Variants in DGKK observed in about 807,000 individuals in gnomAD.
The protein encoded by DGKK is diacylglycerol kinase kappa.
In DGKK, 35 loss-of-function variants were observed where a neutral mutation model predicts 92.2. The observed-to-expected ratio is 0.38, with a 90% confidence interval of 0.29 to 0.50. DGKK has a LOEUF of 0.50. DGKK is among the 20% of genes least tolerant of loss of function. The pLI is 0.92. For missense variants in DGKK, 910 were observed against 992.2 expected, an observed-to-expected ratio of 0.92 and a Z score of 1.11; for synonymous variants, 368 against 360.6, an observed-to-expected ratio of 1.02 and a Z score of -0.23.
In DGKK at chrX:50,379,990, C is replaced by T; in HGVS notation, c.2745G>A (p.Val915=). The T allele has an allele frequency of 2.5e-6, 3 of 1,211,217 alleles. No individual in the cohort carries two copies. The highest frequency in any genetic ancestry group is 3.4e-6 in the Non-Finnish European group (3 of 894,902). Reference sequence around the variant, plus strand: ...CCGCTTTTCCACTAACCTCCAAATGCACTCGTTCTTCCAGTTTCCTGTAAG... The same window carrying T: ...CCGCTTTTCCACTAACCTCCAAATGTACTCGTTCTTCCAGTTTCCTGTAAG... ...QRSYRKLEER[V]HLECDGETIS... The change falls in exon 19 of 28, where the codon GTG becomes GTA. Residue 915 remains valine (V), a synonymous_variant. Coordinates refer to ENST00000611977, the MANE Select transcript of DGKK (RefSeq NM_001013742.4).
rs146409447 is a variant in DGKK, at chrX:50,368,864, G to A, written c.*76C>T. On this transcript the variant is annotated 3_prime_UTR_variant, in exon 28 of 28. Transcript: ENST00000611977. ...CTCATGTTTGTTCTGAAATGATTTA[G>A]TCTAGCCTGTATTGAGGTTTTGAGA... 4.8e-3 allele frequency: 4,088 copies of A among 858,585 alleles called. 120 individuals are homozygous for A. The African/African-American group carries it at 0.073, about 15-fold the overall frequency. The allele number at this position is 858,585 out of a possible 1,213,427, so 70.8% of individuals were successfully genotyped here. A position where few individuals can be genotyped will look rare whatever the true frequency, so the allele number is the denominator to read the frequency against.
intron 1 of DGKK, among the ~76,000 whole-genome samples, chrX:50,445,187 T>C (rs1557231695): frequency 1.9e-5 from 2 of 106,245 alleles, no homozygotes; most frequent in African/African-American, 6.9e-5. Context: ...ATTAGACCTT[T>C]GTCAGATGCA....
intron 4 of DGKK, among the ~76,000 whole-genome samples, chrX:50,404,577 C>A (rs1232128330): frequency 9.2e-6 from 1 of 108,692 alleles, no homozygotes; most frequent in Non-Finnish European, 1.9e-5. Context: ...TCCCAAGTAG[C>A]TGGGACTACA....
intron 1 of DGKK, among the ~76,000 whole-genome samples, chrX:50,444,136 C>A (rs1926232587): frequency 9.0e-6 from 1 of 110,923 alleles, no homozygotes; most frequent in Admixed American, 9.6e-5. Context: ...GTGTACATTT[C>A]TGCATGAAAA....
intron 3 of DGKK, among the ~76,000 whole-genome samples, chrX:50,421,090 T>C (rs1223966095): frequency 8.9e-6 from 1 of 111,839 alleles, no homozygotes; most frequent in Non-Finnish European, 1.9e-5. Context: ...GTGAGATGTC[T>C]AAAAACCCAG....
intron 1 of DGKK, among the ~76,000 whole-genome samples, chrX:50,461,028 T>C (rs1926731004): frequency 9.0e-6 from 1 of 111,430 alleles, no homozygotes; most frequent in South Asian, 3.8e-4. Flanking sequence ...TCACAAAAGC[T>C]AACTGGACAA....
chrX:50,451,725 C>G (rs1390328501), intron 1 of DGKK, among the ~76,000 whole-genome samples: 1 of 111,278 alleles, frequency 9.0e-6, no homozygotes, highest in African/African-American at 3.3e-5. Context: ...TGAAAAAAGT[C>G]AGAGAGGTAC....
chrX:50,400,610 G>A (rs782260456), intron 8 of DGKK, among the ~76,000 whole-genome samples: 3 of 111,928 alleles, frequency 2.7e-5, no homozygotes, highest in Non-Finnish European at 3.8e-5. Context: ...AATTGACAAA[G>A]CATCAGTGAA....
At chrX:50,415,493 T>C (rs1925410931) in intron 4 of DGKK, among the ~76,000 whole-genome samples, 1 of 111,729 alleles carries the variant, frequency 9.0e-6, no homozygotes, top group African/African-American at 3.3e-5. Context: ...CGGTACTGCC[T>C]ATGACTACCT....
intron 1 of DGKK, among the ~76,000 whole-genome samples, chrX:50,465,314 G>A (rs1557233859): frequency 9.1e-6 from 1 of 109,466 alleles, no homozygotes; most frequent in Non-Finnish European, 1.9e-5. Context: ...TCATTATCTG[G>A]GGTCACTGTC....
At chrX:50,411,640 T>C (rs1327686284) in intron 4 of DGKK, among the ~76,000 whole-genome samples, 1 of 112,151 alleles carries the variant, frequency 8.9e-6, no homozygotes, top group Non-Finnish European at 1.9e-5. Context: ...TGTTGAAAGC[T>C]TTTCCTCTAA....
rs782171504 is a variant in DGKK at position 50,370,351 on chromosome X, GCTT to G, written c.3736+72_3736+74del. ...ATTCCCACAAACATTTCTAATGGGG[GCTT>G]CAGGTCCCTGGGAGGTAGCCAGGCT... On this transcript the variant is annotated intron_variant, in intron 27 of 27. Transcript: ENST00000611977. 213 of 1,096,580 alleles carry G rather than the reference GCTT, an allele frequency of 1.9e-4. 1 individual carries two copies. In the Middle Eastern group the frequency reaches 2.0e-3, roughly 10 times the overall value. The allele number at this position is 1,096,580 out of a possible 1,213,427, so 90.4% of individuals were successfully genotyped here.
intron 10 of DGKK, 92 bp downstream of exon 10, chrX:50,392,249 G>C: frequency 1.6e-6 from 1 of 627,971 alleles, no homozygotes; most frequent in Non-Finnish European, 2.6e-6. Context: ...TTTACAGACA[G>C]GGAGGGCGAA....
In DGKK at chrX:50,470,364, A is replaced by G. The variant is rs782603251; in HGVS notation, c.315T>C (p.Pro105=). Residue 105 remains proline, a synonymous_variant, in exon 1 of 28, where the codon CCT becomes CCC. Coordinates refer to ENST00000611977, the MANE Select transcript of DGKK (RefSeq NM_001013742.4). ...CCGGTTCTGGGGCCGGCTCTGTGGC[A>G]GGTTCTGGGGCCGGCTCTGTGGCAG... ...PEPATEPAPE[P]ATEPAPEPAP... 1.9e-5 allele frequency: 23 copies of G among 1,200,967 alleles called. No individual in the cohort carries two copies. Among genetic ancestry groups the G allele is most frequent in the Admixed American group, 6.6e-5 (3 of 45,159 alleles).
intron 8 of DGKK, among the ~76,000 whole-genome samples, chrX:50,396,688 T>C (rs1557226154): frequency 9.0e-6 from 1 of 111,113 alleles, no homozygotes. Flanking sequence ...CTCCATCTAG[T>C]ATTTCCCCCT....
Position 50,378,594 on chromosome X carries a change from T to C in DGKK, c.2960A>G (p.His987Arg). 8.3e-7 allele frequency: 1 copy of C among 1,206,436 alleles called. No individual in the cohort carries two copies. The highest frequency in any genetic ancestry group is 1.1e-6 in the Non-Finnish European group (1 of 892,685). The part of the protein sequence containing the change: ...MAMSRIINLH[H>R]HRIAQCHEVM... ...CCTGCCTACCTGGGCAATGCGATGA[T>C]GATGCAGGTTGATGATACGGGACAT... Residue 987 changes from histidine to arginine, a missense_variant, in exon 21 of 28, where the codon CAT (histidine) becomes CGT (arginine). Coordinates refer to ENST00000611977, the MANE Select transcript of DGKK (RefSeq NM_001013742.4).
chrX:50,417,357 C>T (rs1190393706), intron 4 of DGKK, among the ~76,000 whole-genome samples: 16 of 109,883 alleles, frequency 1.5e-4, no homozygotes, highest in African/African-American at 4.0e-4. Context: ...TAGTTCTCTA[C>T]CTTTGGAAGA....
intron 4 of DGKK, among the ~76,000 whole-genome samples, chrX:50,407,194 A>G (rs1316306590): frequency 1.8e-5 from 2 of 112,224 alleles, no homozygotes; most frequent in South Asian, 3.7e-4. Context: ...CAAGCAAAGT[A>G]TAAGAGGTGC....
chrX:50,399,809 A>G lies in DGKK; in HGVS notation c.1411+1228T>C, dbSNP rs187682716. 4.5e-5 allele frequency among the ~76,000 whole-genome samples: 5 copies of G among 111,948 alleles called. No individual in the cohort carries two copies. In the Admixed American group the frequency reaches 4.8e-4, roughly 11 times the overall value. The stretch of plus-strand genomic sequence containing the variant: ...TCTTGACAGTTCCCACTCTTTAATA[A>G]TGAGTAATGGGAGAAGTAAATGAAC... On this transcript the variant is annotated intron_variant, in intron 8 of 27. Transcript: ENST00000611977.
Sources: allele counts gnomAD v4.1 joint callset (sites outside exome capture counted in the v4.1 genomes callset), GRCh38; gene constraint gnomAD v4.1.1; transcripts MANE v1.5; gene names NCBI Gene and HGNC (gene_info 2026-07-23, HGNC 2026-07-21).